Variants in BTAF1 observed in about 807,000 individuals in gnomAD.
BTAF1 encodes the protein B-TFIID TATA-box binding protein associated factor 1.
Under a neutral mutation model 227.1 loss-of-function variants are expected in BTAF1, and 38 were observed. The observed-to-expected ratio is 0.17, with a 90% CI of 0.13 to 0.22. The LOEUF is 0.22. Ranked by LOEUF, BTAF1 falls within the 10% of genes least tolerant of loss-of-function variation. The probability of loss-of-function intolerance (pLI) is 1.00; values close to 1 mark genes in which losing one functional copy is unlikely to be tolerated. For missense variants in BTAF1, 1,598 were observed against 2,204.0 expected, an observed-to-expected ratio of 0.73 and a Z score of 5.51; for synonymous variants, 742 against 751.9, an observed-to-expected ratio of 0.99 and a Z score of 0.21.
chr10:92,012,430 A>G (rs867738283), intron 30 of BTAF1, among the ~76,000 whole-genome samples: 2 of 145,820 alleles, frequency 1.4e-5, no homozygotes, highest in Admixed American at 1.4e-4. Flanking sequence ...TGCAGATTCT[A>G]ATAACCGCAA....
chr10:92,023,980 A>G (rs1166571798), intron 34 of BTAF1, among the ~76,000 whole-genome samples: 2 of 152,204 alleles, frequency 1.3e-5, no homozygotes, highest in Non-Finnish European at 2.9e-5. Context: ...CTCAAATACT[A>G]TGGATGAAGA....
intron 1 of BTAF1, among the ~76,000 whole-genome samples, chr10:91,932,813 ATACTT>A (rs1844360278): frequency 6.6e-6 from 1 of 152,220 alleles, no homozygotes; most frequent in Non-Finnish European, 1.5e-5. Context: ...AAAGAGAAAA[ATACTT>A]TATTTGTTTG....
intron 6 of BTAF1, among the ~76,000 whole-genome samples, chr10:91,955,476 A>C (rs1846029096): frequency 6.6e-6 from 1 of 152,140 alleles, no homozygotes; most frequent in Non-Finnish European, 1.5e-5. Flanking sequence ...AGATAATGTT[A>C]AGCGTTAAGG....
chr10:91,927,241 C>T (rs559694862), intron 1 of BTAF1, among the ~76,000 whole-genome samples: 2 of 151,834 alleles, frequency 1.3e-5, no homozygotes, highest in Middle Eastern at 3.4e-3. Context: ...CGGGTTCAAA[C>T]GATTCTCCTG....
chr10:91,998,653 ACTTC>A (rs1849299761), intron 25 of BTAF1, among the ~76,000 whole-genome samples: 2 of 152,310 alleles, frequency 1.3e-5, no homozygotes, highest in Admixed American at 6.5e-5. Flanking sequence ...ATGTATAAGT[ACTTC>A]CTTTTTATTG....
At chr10:92,023,804 T>G (rs963881267) in intron 34 of BTAF1, among the ~76,000 whole-genome samples, 2 of 152,170 alleles carry the variant, frequency 1.3e-5, no homozygotes, top group Non-Finnish European at 2.9e-5. Context: ...CCTGGCTGTT[T>G]TGCATTTTTA....
intron 1 of BTAF1, among the ~76,000 whole-genome samples, chr10:91,927,299 C>T (rs1294256129): frequency 2.0e-5 from 3 of 151,888 alleles, no homozygotes; most frequent in African/African-American, 2.4e-5. Context: ...CCACCACACC[C>T]GGCTAATTTT....
At chr10:91,953,054 C>T (rs962257551) in intron 5 of BTAF1, among the ~76,000 whole-genome samples, 4 of 152,188 alleles carry the variant, frequency 2.6e-5, no homozygotes, top group Non-Finnish European at 5.9e-5. Flanking sequence ...TAGGTCATTA[C>T]AGCTGCATTG....
At chr10:92,026,240 G>T (rs1298984705) in intron 35 of BTAF1, among the ~76,000 whole-genome samples, 1 of 152,086 alleles carries the variant, frequency 6.6e-6, no homozygotes, top group Non-Finnish European at 1.5e-5. Context: ...TGAAAGTCTA[G>T]CCTGTTCTCA....
chr10:91,931,433 C>T (rs772785085), intron 1 of BTAF1, among the ~76,000 whole-genome samples: 1 of 152,236 alleles, frequency 6.6e-6, no homozygotes, highest in Non-Finnish European at 1.5e-5. Flanking sequence ...TCTCCTCCAT[C>T]TGTCTGTCTA....
chr10:92,023,064 A>G (rs991445879), intron 34 of BTAF1, among the ~76,000 whole-genome samples: 4 of 152,170 alleles, frequency 2.6e-5, no homozygotes, highest in Non-Finnish European at 5.9e-5. Flanking sequence ...CTGGTCACAT[A>G]TACTCCCTTT....
At chr10:91,926,020 G>A (rs1843802284) in intron 1 of BTAF1, among the ~76,000 whole-genome samples, 1 of 152,104 alleles carries the variant, frequency 6.6e-6, no homozygotes, top group African/African-American at 2.4e-5. Context: ...TCAGTAGTAA[G>A]CCCAAGGAAA....
At chr10:92,006,525 C>T (rs574865856) in intron 25 of BTAF1, among the ~76,000 whole-genome samples, 1 of 152,276 alleles carries the variant, frequency 6.6e-6, no homozygotes, top group South Asian at 2.1e-4. Flanking sequence ...CATCATGCGT[C>T]AGTCATTTGG....
At chr10:91,924,758 A>G (rs1213067814) in intron 1 of BTAF1, among the ~76,000 whole-genome samples, 2 of 152,228 alleles carry the variant, frequency 1.3e-5, no homozygotes, top group Non-Finnish European at 2.9e-5. Flanking sequence ...TAGAAAAACT[A>G]ACGACATTTA....
At chr10:91,959,718 A>ATG (rs5786980) in intron 9 of BTAF1, 67 bp from the exon 10 acceptor site, 8,121 of 343,292 alleles carry the variant, frequency 0.024, 134 homozygotes, top group Admixed American at 0.032. Flanking sequence ...TGTTAAAAAA[A>ATG]TGTGTGTGTG....
At chr10:91,932,435 C>A (rs563782681) in intron 1 of BTAF1, among the ~76,000 whole-genome samples, 1 of 152,148 alleles carries the variant, frequency 6.6e-6, no homozygotes, top group African/African-American at 2.4e-5. Context: ...AATATTTTTT[C>A]TTTCCTTAAA....
chr10:91,969,072 T>C (rs1332607595), intron 14 of BTAF1, among the ~76,000 whole-genome samples: 2 of 149,294 alleles, frequency 1.3e-5, no homozygotes, highest in East Asian at 4.0e-4. Flanking sequence ...AGAGATGAGG[T>C]CTTGCTAGGT....
At chr10:92,014,295 C>T (rs535102274) in intron 32 of BTAF1, among the ~76,000 whole-genome samples, 30 of 152,240 alleles carry the variant, frequency 2.0e-4, no homozygotes, top group African/African-American at 6.0e-4. Flanking sequence ...GGAGCACAGT[C>T]ATGGCTCACT....
intron 4 of BTAF1, among the ~76,000 whole-genome samples, chr10:91,947,140 G>A (rs1179619439): frequency 6.6e-6 from 1 of 152,118 alleles, no homozygotes; most frequent in Non-Finnish European, 1.5e-5. Context: ...ATCACCCCCA[G>A]CCTGATTTAC....
Sources: gnomAD v4.1 joint callset for allele counts (sites outside exome capture counted in the v4.1 genomes callset) on GRCh38, gnomAD v4.1.1 for gene constraint, MANE v1.5 for transcripts, NCBI Gene and HGNC (gene_info 2026-07-23, HGNC 2026-07-21) for gene names.